GAP43: variants seen among roughly 807,000 people sequenced by gnomAD.
The protein encoded by GAP43 is growth associated protein 43.
In GAP43, 6 loss-of-function variants were observed where a neutral mutation model predicts 18.6. The ratio of observed to expected loss-of-function variants is 0.32; its 90% CI spans 0.18 to 0.64. The LOEUF (loss-of-function observed/expected upper bound fraction) is 0.64. Among genes scored for constraint, GAP43 ranks in the 30% least tolerant of loss-of-function variants. GAP43 has a pLI of 0.78. For synonymous variants in GAP43, 115 were observed against 111.4 expected, an observed-to-expected ratio of 1.03 and a Z score of -0.20; for missense variants, 292 against 295.5, an observed-to-expected ratio of 0.99 and a Z score of 0.09.
At chr3:115,646,321 T>C (rs1708457124) in intron 1 of GAP43, among the ~76,000 whole-genome samples, 1 of 152,134 alleles carries the variant, frequency 6.6e-6, no homozygotes, top group African/African-American at 2.4e-5. Context: ...CTAGGTTTGC[T>C]TTGCTTATAC....
intron 1 of GAP43, chr3:115,658,551 T>G (rs1708615900): frequency 1.3e-5 from 2 of 152,136 alleles, no homozygotes; most frequent in South Asian, 4.1e-4. Context: ...CTCGCGGCCG[T>G]GCTGCGGGCG....
In GAP43 at chr3:115,693,940, G is replaced by C. The variant is rs140405660; in HGVS notation, c.628+17330G>C. 2.8e-4 allele frequency among the ~76,000 whole-genome samples: 43 copies of C among 152,264 alleles called. 1 individual carries two copies. The East Asian group carries it at 7.7e-3, about 27-fold the overall frequency. ...AACCTGGCTTATTGAAAAACTGCAG[G>C]CTCCACGAATCCCCAATTATCAGCC... On this transcript the variant is annotated intron_variant, in intron 2 of 2. Transcript: ENST00000305124.
At chr3:115,669,997 A>AT (rs200282076) in intron 1 of GAP43, among the ~76,000 whole-genome samples, 39,643 of 122,884 alleles carry the variant, frequency 0.32, 6,381 homozygotes, top group East Asian at 0.58. Context: ...TTTTTTTTTA[A>AT]TTTTTTTTTT....
intron 1 of GAP43, among the ~76,000 whole-genome samples, chr3:115,640,393 C>G (rs2107469905): frequency 6.6e-6 from 1 of 152,124 alleles, no homozygotes. Context: ...AGAGACCCGC[C>G]AGTCATGGGT....
intron 2 of GAP43, among the ~76,000 whole-genome samples, chr3:115,717,989 G>C (rs1709532958): frequency 6.6e-6 from 1 of 152,118 alleles, no homozygotes; most frequent in South Asian, 2.1e-4. Context: ...AGAACCATCT[G>C]AATGTTCAAG....
In GAP43 at chr3:115,692,702, T is replaced by G. The variant is rs192480434; in HGVS notation, c.628+16092T>G. 1.1e-3 allele frequency among the ~76,000 whole-genome samples: 174 copies of G among 152,294 alleles called. 1 individual carries two copies. The highest frequency in any genetic ancestry group is 3.7e-3 in the African/African-American group (152 of 41,554). On this transcript the variant is annotated intron_variant, in intron 2 of 2. Transcript: ENST00000305124. ...CCTTGAAGTGGTCGGAAGTTTTCAG[T>G]CTTGGTCCAACAGCAAATAGAGGGT...
intron 1 of GAP43, among the ~76,000 whole-genome samples, chr3:115,627,928 C>G (rs1360308782): frequency 1.3e-5 from 2 of 152,144 alleles, no homozygotes; most frequent in African/African-American, 4.8e-5. Context: ...TGACTGTGAG[C>G]TTTAATAAAC....
At chr3:115,634,032 TG>T (rs1708297259) in intron 1 of GAP43, among the ~76,000 whole-genome samples, 1 of 152,190 alleles carries the variant, frequency 6.6e-6, no homozygotes. Context: ...TGTAGAATAT[TG>T]GTAATTAGCC....
chr3:115,697,393 A>G (rs1055951531), intron 2 of GAP43, among the ~76,000 whole-genome samples: 1 of 152,186 alleles, frequency 6.6e-6, no homozygotes, highest in Non-Finnish European at 1.5e-5. Context: ...ACCTAAGCAC[A>G]TGTTTCCTCA....
intron 2 of GAP43, among the ~76,000 whole-genome samples, chr3:115,719,031 T>G (rs1709545012): frequency 2.0e-5 from 3 of 152,232 alleles, no homozygotes; most frequent in Non-Finnish European, 2.9e-5. Context: ...ACTATTTTAT[T>G]TAGTATTCCT....
chr3:115,717,740 G>A (rs1709528735), intron 2 of GAP43, among the ~76,000 whole-genome samples: 1 of 146,134 alleles, frequency 6.8e-6, no homozygotes, highest in African/African-American at 2.5e-5. Flanking sequence ...ACAACTTATT[G>A]AACAAATAAA....
chr3:115,717,669 CT>C (rs56359297), intron 2 of GAP43, among the ~76,000 whole-genome samples: 11,089 of 135,512 alleles, frequency 0.082, 475 homozygotes, highest in African/African-American at 0.13. Context: ...AAGGATTTTG[CT>C]TTTTTTTTTT....
chr3:115,699,492 C>T (rs1291447627), intron 2 of GAP43, among the ~76,000 whole-genome samples: 1 of 152,156 alleles, frequency 6.6e-6, no homozygotes, highest in Non-Finnish European at 1.5e-5. Context: ...GAGAGAGATG[C>T]CTTGCAATTG....
intron 2 of GAP43, among the ~76,000 whole-genome samples, chr3:115,710,361 T>C (rs773427379): frequency 6.6e-6 from 1 of 152,184 alleles, no homozygotes; most frequent in South Asian, 2.1e-4. Context: ...AATCAAATTT[T>C]GTTTGGAGAT....
intron 1 of GAP43, among the ~76,000 whole-genome samples, chr3:115,637,995 G>T (rs1708352019): frequency 6.6e-6 from 1 of 151,844 alleles, no homozygotes. Flanking sequence ...CAAGATGAGG[G>T]CATAGTAAAA....
At chr3:115,666,728 C>T (rs910777337) in intron 1 of GAP43, among the ~76,000 whole-genome samples, 1 of 152,176 alleles carries the variant, frequency 6.6e-6, no homozygotes, top group African/African-American at 2.4e-5. Context: ...TTCAAACTTA[C>T]ACATGTCTAA....
At chr3:115,634,756 C>G (rs1052334119) in intron 1 of GAP43, among the ~76,000 whole-genome samples, 1 of 151,670 alleles carries the variant, frequency 6.6e-6, no homozygotes, top group East Asian at 1.9e-4. Flanking sequence ...GGTGACAGAG[C>G]GAGACTCTGT....
chr3:115,652,082 G>C (rs1422548199), intron 1 of GAP43, among the ~76,000 whole-genome samples: 1 of 152,018 alleles, frequency 6.6e-6, no homozygotes, highest in East Asian at 1.9e-4. Flanking sequence ...CCTGTACTAA[G>C]ATGCTTCTAG....
At chr3:115,685,494 T>C (rs1377331847) in intron 2 of GAP43, among the ~76,000 whole-genome samples, 4 of 152,218 alleles carry the variant, frequency 2.6e-5, no homozygotes, top group Non-Finnish European at 5.9e-5. Context: ...AAACCAACAG[T>C]GTTGGGACAC....
Sources: gnomAD v4.1 joint callset for allele counts (sites outside exome capture counted in the v4.1 genomes callset) on GRCh38, gnomAD v4.1.1 for gene constraint, MANE v1.5 for transcripts, NCBI Gene and HGNC (gene_info 2026-07-23, HGNC 2026-07-21) for gene names.